Variants in SLC4A4 observed in about 807,000 individuals in gnomAD.
The protein encoded by SLC4A4 is solute carrier family 4 member 4.
Under a neutral mutation model 111.5 loss-of-function variants are expected in SLC4A4, and 27 were observed. That is an observed-to-expected ratio of 0.24 (90% CI 0.18 to 0.33). SLC4A4 has a LOEUF of 0.33. Ranked by LOEUF, SLC4A4 falls within the 10% of genes least tolerant of loss-of-function variation. SLC4A4 has a pLI of 1.00. For synonymous variants in SLC4A4, 443 were observed against 463.4 expected, an observed-to-expected ratio of 0.96 and a Z score of 0.57; for missense variants, 909 against 1,315.5, an observed-to-expected ratio of 0.69 and a Z score of 4.78.
chr4:71,449,485 G>A (rs919992419), intron 9 of SLC4A4, among the ~76,000 whole-genome samples: 1 of 152,112 alleles, frequency 6.6e-6, no homozygotes, highest in African/African-American at 2.4e-5. Context: ...TTATGTGCTG[G>A]CATTTTGTGT....
chr4:71,179,789 T>C (rs1316708129), intron 2 of SLC4A4, among the ~76,000 whole-genome samples: 1 of 152,140 alleles, frequency 6.6e-6, no homozygotes, highest in Non-Finnish European at 1.5e-5. Context: ...AGGTAATTTA[T>C]AGATTCAATG....
At chr4:71,305,178 G>T (rs531716585) in intron 3 of SLC4A4, among the ~76,000 whole-genome samples, 1 of 152,334 alleles carries the variant, frequency 6.6e-6, no homozygotes, top group South Asian at 2.1e-4. Context: ...CACATAACTA[G>T]TAGGTGGTGA....
chr4:71,425,652 TG>T (rs1216320298), intron 7 of SLC4A4, among the ~76,000 whole-genome samples: 5 of 152,062 alleles, frequency 3.3e-5, no homozygotes, highest in Admixed American at 6.6e-5. Flanking sequence ...AGATGTACAT[TG>T]GTTCAGTCCA....
At position 71,546,340 on chromosome 4, in the gene SLC4A4, C is replaced by T. The variant is rs2149234314; in HGVS notation, c.2443-10C>T. On this transcript the variant is annotated splice_polypyrimidine_tract_variant and intron_variant, in intron 18 of 25. Transcript: ENST00000264485. ...TTTTCTTCACATGGTTTTGTTATCTCTTTCTACAGAAAGGAGCAGGGTATC... is the reference window on the plus strand; with the variant it reads ...TTTTCTTCACATGGTTTTGTTATCTTTTTCTACAGAAAGGAGCAGGGTATC... The T allele has an allele frequency of 1.2e-6, 2 of 1,610,826 alleles. No homozygotes were observed. Among genetic ancestry groups the T allele is most frequent in the East Asian group, 4.5e-5 (2 of 44,796 alleles).
chr4:71,307,034 C>T (rs76567738), intron 3 of SLC4A4, among the ~76,000 whole-genome samples: 19 of 152,100 alleles, frequency 1.2e-4, no homozygotes, highest in African/African-American at 2.7e-4. Flanking sequence ...GTTTAATGCG[C>T]GGTAGGAAAG....
chr4:71,284,335 A>C (rs1045788434), intron 3 of SLC4A4, among the ~76,000 whole-genome samples: 5 of 152,224 alleles, frequency 3.3e-5, no homozygotes, highest in Non-Finnish European at 5.9e-5. Context: ...CTGACTGATC[A>C]TAATTCACAC....
chr4:71,350,171 G>A, intron 5 of SLC4A4, 99 bp downstream of exon 5: 1 of 1,205,250 alleles, frequency 8.3e-7, no homozygotes, highest in Non-Finnish European at 1.2e-6. Flanking sequence ...AGAGTTAAAT[G>A]TTTTATAACA....
intron 1 of SLC4A4, among the ~76,000 whole-genome samples, chr4:71,075,200 TAAAAATCGC>T (rs1741773905): frequency 6.6e-6 from 1 of 152,194 alleles, no homozygotes; most frequent in Admixed American, 6.5e-5. Context: ...ATGTTTTAGA[TAAAAATCGC>T]AAGAATCTAT....
intron 12 of SLC4A4, among the ~76,000 whole-genome samples, chr4:71,453,910 A>G (rs917566694): frequency 1.1e-4 from 17 of 152,172 alleles, no homozygotes; most frequent in African/African-American, 3.6e-4. Context: ...GAAGGAAATG[A>G]GGATATACAA....
chr4:71,419,776 C>T (rs973483777), intron 7 of SLC4A4, among the ~76,000 whole-genome samples: 1 of 152,202 alleles, frequency 6.6e-6, no homozygotes, highest in Admixed American at 6.5e-5. Flanking sequence ...AGAAATCACC[C>T]GTCTTCTGCG....
intron 1 of SLC4A4, among the ~76,000 whole-genome samples, chr4:71,073,122 A>C (rs1033734179): frequency 6.6e-6 from 1 of 152,114 alleles, no homozygotes. Flanking sequence ...GAAGGCAATT[A>C]ATGTTTGTAT....
At chr4:71,096,179 C>T (rs149400261) in intron 2 of SLC4A4, among the ~76,000 whole-genome samples, 1 of 152,120 alleles carries the variant, frequency 6.6e-6, no homozygotes, top group African/African-American at 2.4e-5. Context: ...ATCATAGGAA[C>T]AAGGATTGAC....
intron 22 of SLC4A4, among the ~76,000 whole-genome samples, chr4:71,559,641 T>C (rs1485514025): frequency 6.6e-6 from 1 of 151,924 alleles, no homozygotes; most frequent in East Asian, 1.9e-4. Context: ...TCATTGTGAA[T>C]ACTTTGAAGA....
At chr4:71,334,608 G>A (rs376486464) in intron 3 of SLC4A4, among the ~76,000 whole-genome samples, 11 of 152,250 alleles carry the variant, frequency 7.2e-5, no homozygotes, top group African/African-American at 2.6e-4. Context: ...ACTAGTTTAT[G>A]ACACACGATT....
chr4:71,511,591 A>G (rs777927681), intron 16 of SLC4A4, among the ~76,000 whole-genome samples: 9 of 152,012 alleles, frequency 5.9e-5, no homozygotes, highest in Non-Finnish European at 1.2e-4. Context: ...TTTATGGGGT[A>G]TGTGTGAGAT....
chr4:71,201,738 T>C (rs1464688725), intron 1 of SLC4A4, among the ~76,000 whole-genome samples: 2 of 152,200 alleles, frequency 1.3e-5, no homozygotes, highest in Non-Finnish European at 2.9e-5. Flanking sequence ...ACTCTCCTTA[T>C]TTTTTTAAAT....
At chr4:71,216,890 T>C (rs1718463332) in intron 1 of SLC4A4, among the ~76,000 whole-genome samples, 1 of 152,224 alleles carries the variant, frequency 6.6e-6, no homozygotes, top group South Asian at 2.1e-4. Flanking sequence ...CTATGCTAAG[T>C]ATCTACCACG....
At chr4:71,300,442 G>T (rs1181346506) in intron 3 of SLC4A4, 2 of 238,672 alleles carry the variant, frequency 8.4e-6, no homozygotes, top group South Asian at 7.3e-5. Context: ...GACATGACAG[G>T]AGCAGTCCAT....
chr4:71,319,303 G>T (rs1726943440), intron 3 of SLC4A4, among the ~76,000 whole-genome samples: 1 of 151,706 alleles, frequency 6.6e-6, no homozygotes, highest in South Asian at 2.1e-4. Context: ...TTTTCCATTG[G>T]ATTTTCAGGT....
Sources: allele counts gnomAD v4.1 joint callset (sites outside exome capture counted in the v4.1 genomes callset), GRCh38; gene constraint gnomAD v4.1.1; transcripts MANE v1.5; gene names NCBI Gene and HGNC (gene_info 2026-07-23, HGNC 2026-07-21).